Variants in NRG1 observed in about 807,000 individuals in gnomAD.
The protein encoded by NRG1 is pro-neuregulin-1, membrane-bound isoform.
A neutral mutation model predicts 63.8 loss-of-function variants in NRG1; 18 were observed. The observed-to-expected ratio is 0.28, with a 90% CI of 0.19 to 0.42. The LOEUF (loss-of-function observed/expected upper bound fraction) is 0.42, where lower values mean the gene tolerates loss of function less well. Among genes scored for constraint, NRG1 ranks in the 10% least tolerant of loss-of-function variants. NRG1 has a pLI of 1.00. For missense variants in NRG1, 762 were observed against 814.7 expected, an observed-to-expected ratio of 0.94 and a Z score of 0.79; for synonymous variants, 302 against 301.3, an observed-to-expected ratio of 1.00 and a Z score of -0.02.
chr8:32,529,563 T>C (rs1563590184), intron 1 of NRG1, among the ~76,000 whole-genome samples: 1 of 152,216 alleles, frequency 6.6e-6, no homozygotes, highest in Non-Finnish European at 1.5e-5. Flanking sequence ...TGCAAAAATA[T>C]TCTTTCTTCA....
chr8:32,419,505 C>T (rs1458084389), intron 1 of NRG1, among the ~76,000 whole-genome samples: 1 of 152,194 alleles, frequency 6.6e-6, no homozygotes, highest in East Asian at 1.9e-4. Flanking sequence ...AACTAGACCC[C>T]AATCAATGTG....
At chr8:31,806,462 G>A (rs1277841771) in intron 1 of NRG1, among the ~76,000 whole-genome samples, 3 of 151,570 alleles carry the variant, frequency 2.0e-5, no homozygotes, top group East Asian at 3.9e-4. Context: ...CATCAATATC[G>A]AGTTTATTCC....
intron 1 of NRG1, among the ~76,000 whole-genome samples, chr8:32,459,086 T>C (rs1054977824): frequency 1.3e-5 from 2 of 152,220 alleles, no homozygotes; most frequent in African/African-American, 2.4e-5. Context: ...TCCAGACTCG[T>C]AGGTCCAACT....
At chr8:32,698,141 G>A (rs560006612) in intron 5 of NRG1, among the ~76,000 whole-genome samples, 3 of 152,106 alleles carry the variant, frequency 2.0e-5, no homozygotes, top group South Asian at 2.1e-4. Flanking sequence ...AGGAGGCAGA[G>A]GTTGCAGTGA....
intron 1 of NRG1, among the ~76,000 whole-genome samples, chr8:32,040,742 TTTAGGCGC>T (rs1335712014): frequency 0.098 from 2,547 of 25,948 alleles, 85 homozygotes; most frequent in Non-Finnish European, 0.22. Flanking sequence ...ATATATGAAA[TTTAGGCGC>T]ATATATATAT....
chr8:32,667,438 A>G (rs1322071728), intron 5 of NRG1, among the ~76,000 whole-genome samples: 5 of 152,170 alleles, frequency 3.3e-5, no homozygotes, highest in African/African-American at 1.2e-4. Context: ...ATAACATTCT[A>G]ATTATGTTTT....
intron 1 of NRG1, among the ~76,000 whole-genome samples, chr8:32,137,887 T>C (rs1835755250): frequency 6.6e-6 from 1 of 152,212 alleles, no homozygotes; most frequent in Non-Finnish European, 1.5e-5. Context: ...ATTGTATATG[T>C]AGTTCTTCTG....
intron 1 of NRG1, among the ~76,000 whole-genome samples, chr8:32,268,111 C>T (rs1461085238): frequency 6.6e-6 from 1 of 152,134 alleles, no homozygotes; most frequent in East Asian, 1.9e-4. Flanking sequence ...TTGGGGAACC[C>T]CACATGGCAG....
At chr8:32,694,492 T>C (rs1812715764) in intron 5 of NRG1, among the ~76,000 whole-genome samples, 1 of 152,188 alleles carries the variant, frequency 6.6e-6, no homozygotes, top group Non-Finnish European at 1.5e-5. Flanking sequence ...ATCATGGTGC[T>C]CGATCAGTTC....
chr8:32,251,197 T>C (rs1489556322), intron 1 of NRG1, among the ~76,000 whole-genome samples: 1 of 151,978 alleles, frequency 6.6e-6, no homozygotes, highest in Non-Finnish European at 1.5e-5. Flanking sequence ...CCTAATGCTA[T>C]CCCTCCCCGC....
At chr8:31,819,937 A>C (rs1017959435) in intron 1 of NRG1, among the ~76,000 whole-genome samples, 1 of 152,208 alleles carries the variant, frequency 6.6e-6, no homozygotes, top group African/African-American at 2.4e-5. Context: ...TCATCTTTAC[A>C]TCAAGTTTCT....
In NRG1 at chr8:32,476,646, A is replaced by G. The variant is rs574287405; in HGVS notation, c.38-119182A>G. ...TAGAACAGACTCTTTTTGGCAACTC[A>G]TGAGAATTGCCAATGATCCCAGCAT... On this transcript the variant is annotated intron_variant, in intron 1 of 10. Coordinates refer to the NRG1 transcript ENST00000519301. Among the ~76,000 whole-genome samples the G allele has an allele frequency of 3.3e-5, 5 of 152,346 alleles. No homozygotes were observed. In the East Asian group the frequency reaches 9.6e-4, roughly 29 times the overall value.
At chr8:31,744,525 T>C (rs1198268920) in intron 1 of NRG1, among the ~76,000 whole-genome samples, 1 of 152,130 alleles carries the variant, frequency 6.6e-6, no homozygotes, top group East Asian at 1.9e-4. Flanking sequence ...TACCTTCAGC[T>C]TGTTCCCTGT....
At chr8:32,667,274 A>G (rs1589089494) in intron 5 of NRG1, among the ~76,000 whole-genome samples, 1 of 152,302 alleles carries the variant, frequency 6.6e-6, no homozygotes, top group African/African-American at 2.4e-5. Context: ...ATCTTATGGG[A>G]CCACTGTCGT....
At chr8:32,329,050 C>G (rs1294700705) in intron 1 of NRG1, among the ~76,000 whole-genome samples, 2 of 152,162 alleles carry the variant, frequency 1.3e-5, no homozygotes, top group Non-Finnish European at 2.9e-5. Context: ...ATCACTGCAG[C>G]CTCAACCTCT....
intron 5 of NRG1, among the ~76,000 whole-genome samples, chr8:32,724,274 A>T (rs1371114748): frequency 6.6e-6 from 1 of 152,210 alleles, no homozygotes; most frequent in Non-Finnish European, 1.5e-5. Flanking sequence ...CATAAATCAG[A>T]GGGAGACAAG....
At chr8:31,707,901 A>G (rs943714245) in intron 1 of NRG1, among the ~76,000 whole-genome samples, 1 of 152,158 alleles carries the variant, frequency 6.6e-6, no homozygotes, top group Non-Finnish European at 1.5e-5. Flanking sequence ...TATAGATTTA[A>G]TTTGGTTGTA....
chr8:31,965,097 A>G (rs181128694), intron 1 of NRG1, among the ~76,000 whole-genome samples: 7 of 152,340 alleles, frequency 4.6e-5, no homozygotes, highest in Admixed American at 2.0e-4. Flanking sequence ...GTTCCCAGAT[A>G]GAATTAGTCC....
At chr8:32,033,048 T>TGTCA (rs1201067818) in intron 1 of NRG1, among the ~76,000 whole-genome samples, 1 of 152,144 alleles carries the variant, frequency 6.6e-6, no homozygotes, top group African/African-American at 2.4e-5. Context: ...TGCTTGTTTT[T>TGTCA]GTCAGGTTTG....
Sources: allele counts gnomAD v4.1 joint callset (sites outside exome capture counted in the v4.1 genomes callset), GRCh38; gene constraint gnomAD v4.1.1; transcripts MANE v1.5; gene names NCBI Gene and HGNC (gene_info 2026-07-23, HGNC 2026-07-21).